SEMA6D: variants seen among roughly 807,000 people sequenced by gnomAD.
SEMA6D encodes the protein semaphorin 6D.
A neutral mutation model predicts 106.6 loss-of-function variants in SEMA6D; 35 were observed. That is an observed-to-expected ratio of 0.33 (90% CI 0.25 to 0.44). SEMA6D has a LOEUF of 0.44. SEMA6D is among the 20% of genes least tolerant of loss of function. The probability of loss-of-function intolerance (pLI) is 1.00; values close to 1 mark genes in which losing one functional copy is unlikely to be tolerated. For synonymous variants in SEMA6D, 499 were observed against 487.7 expected, an observed-to-expected ratio of 1.02 and a Z score of -0.31; for missense variants, 1,185 against 1,345.9, an observed-to-expected ratio of 0.88 and a Z score of 1.87.
At chr15:47,302,359 T>A (rs2036056375) in intron 1 of SEMA6D, among the ~76,000 whole-genome samples, 1 of 152,218 alleles carries the variant, frequency 6.6e-6, no homozygotes, top group Non-Finnish European at 1.5e-5. Flanking sequence ...CAAACTTTTC[T>A]TATACAATTT....
intron 2 of SEMA6D, among the ~76,000 whole-genome samples, chr15:47,413,875 G>A (rs2040877671): frequency 6.6e-6 from 1 of 152,138 alleles, no homozygotes; most frequent in Non-Finnish European, 1.5e-5. Context: ...ACTTTGAACA[G>A]CCTGATTTGC....
chr15:47,401,939 C>G (rs912765213), intron 1 of SEMA6D, among the ~76,000 whole-genome samples: 1 of 152,184 alleles, frequency 6.6e-6, no homozygotes, highest in African/African-American at 2.4e-5. Flanking sequence ...ATAGTTAACT[C>G]TTACTTTTGA....
rs558642989 is a variant in SEMA6D, at chr15:47,641,795, C to T, written c.-55+40899C>T. Among the ~76,000 whole-genome samples the T allele has an allele frequency of 8.5e-5, 13 of 152,268 alleles. No homozygotes were observed. In the South Asian group the frequency reaches 1.2e-3, roughly 15 times the overall value. On this transcript the variant is annotated intron_variant, in intron 4 of 19. Coordinates refer to the SEMA6D transcript ENST00000558014. ...ATCCACCACTCCCTCTGCCATAAAA[C>T]GTCATGCTCCCCACACTGCCCACTG...
chr15:47,353,297 C>T (rs982832753), intron 1 of SEMA6D, among the ~76,000 whole-genome samples: 3 of 152,242 alleles, frequency 2.0e-5, no homozygotes, highest in Non-Finnish European at 2.9e-5. Context: ...ACCACCCACT[C>T]GTGCCCTCCC....
chr15:47,345,613 A>G (rs1430991045), intron 1 of SEMA6D, among the ~76,000 whole-genome samples: 1 of 152,190 alleles, frequency 6.6e-6, no homozygotes, highest in Non-Finnish European at 1.5e-5. Flanking sequence ...CAAGAAGAAA[A>G]TGTAAGAGAA....
intron 3 of SEMA6D, among the ~76,000 whole-genome samples, chr15:47,512,142 G>A (rs370679061): frequency 7.0e-4 from 107 of 152,236 alleles, no homozygotes; most frequent in South Asian, 1.5e-3. Flanking sequence ...AGCTACAAGC[G>A]CAGTGCTTTA....
chr15:47,291,176 G>A (rs1364167538), intron 1 of SEMA6D, among the ~76,000 whole-genome samples: 1 of 152,212 alleles, frequency 6.6e-6, no homozygotes, highest in African/African-American at 2.4e-5. Flanking sequence ...GAAACTGTTG[G>A]AAGGGCTATG....
chr15:47,500,079 C>A (rs2141587839), intron 3 of SEMA6D, among the ~76,000 whole-genome samples: 1 of 152,246 alleles, frequency 6.6e-6, no homozygotes. Context: ...CTTGAGAAGT[C>A]ATTTTCATAG....
intron 4 of SEMA6D, among the ~76,000 whole-genome samples, chr15:47,615,630 G>C (rs1461429236): frequency 6.6e-6 from 1 of 152,046 alleles, no homozygotes; most frequent in East Asian, 1.9e-4. Flanking sequence ...AATACCCAAG[G>C]GTCACGAATT....
chr15:47,759,901 T>C lies in SEMA6D; in HGVS notation c.103T>C (p.Tyr35His). 1 of 1,603,126 alleles carries C rather than the reference T, an allele frequency of 6.2e-7. No homozygotes were observed. The highest frequency in any genetic ancestry group is 8.5e-7 in the Non-Finnish European group (1 of 1,170,096). ...EDDEPLNTVDYHYSRQYPVFR... is the reference protein window; with the variant it reads ...EDDEPLNTVDHHYSRQYPVFR... Reference sequence around the variant, plus strand: ...TGATGAACCCCTTAATACTGTCGACTATCACTGTAAGTCGTCTCAAGAACA... The same window carrying C: ...TGATGAACCCCTTAATACTGTCGACCATCACTGTAAGTCGTCTCAAGAACA... The change falls in exon 2 of 19, where the codon TAT becomes CAT. Residue 35 changes from tyrosine to histidine, a missense_variant. Physicochemically the swap from Tyr to His is moderately conservative, Grantham distance 83. This residue lies in a region of SEMA6D where 144 missense variants were observed against 138.6 expected (regional missense o/e 1.04). Transcript: ENST00000536845.
At chr15:47,208,887 A>G (rs1404318579) in intron 1 of SEMA6D, among the ~76,000 whole-genome samples, 6 of 152,016 alleles carry the variant, frequency 3.9e-5, no homozygotes, top group African/African-American at 1.5e-4. Flanking sequence ...AGAGTCCCTC[A>G]TACTGCCTGT....
At chr15:47,360,543 A>G (rs919694853) in intron 1 of SEMA6D, among the ~76,000 whole-genome samples, 2 of 152,220 alleles carry the variant, frequency 1.3e-5, no homozygotes, top group Admixed American at 6.5e-5. Flanking sequence ...ACATACCACT[A>G]TTGTAGAAGG....
At chr15:47,637,202 T>G (rs562118447) in intron 4 of SEMA6D, among the ~76,000 whole-genome samples, 78 of 152,328 alleles carry the variant, frequency 5.1e-4, no homozygotes, top group Admixed American at 2.8e-3. Context: ...TTATTGTTAC[T>G]GGAACACGCT....
At chr15:47,635,473 GT>G (rs993479198) in intron 4 of SEMA6D, among the ~76,000 whole-genome samples, 1 of 152,188 alleles carries the variant, frequency 6.6e-6, no homozygotes, top group South Asian at 2.1e-4. Flanking sequence ...AAGAAGAGAT[GT>G]TTTTCCCCAG....
chr15:47,510,589 A>G (rs932655971), intron 3 of SEMA6D, among the ~76,000 whole-genome samples: 1 of 152,240 alleles, frequency 6.6e-6, no homozygotes, highest in Non-Finnish European at 1.5e-5. Context: ...TTTTCAATTC[A>G]GTTGGAATGT....
chr15:47,252,641 T>A (rs748944274), intron 1 of SEMA6D, among the ~76,000 whole-genome samples: 2 of 152,216 alleles, frequency 1.3e-5, no homozygotes, highest in African/African-American at 2.4e-5. Context: ...TGTGAGATCA[T>A]ACAATTTTGG....
At chr15:47,601,960 G>A (rs764659654) in intron 4 of SEMA6D, among the ~76,000 whole-genome samples, 17 of 152,090 alleles carry the variant, frequency 1.1e-4, no homozygotes, top group Non-Finnish European at 1.8e-4. Flanking sequence ...AGATGCAGTC[G>A]CTGTTTGTAC....
intron 1 of SEMA6D, among the ~76,000 whole-genome samples, chr15:47,348,727 C>CACAGAGAGAGAGAGAGAGAGAG (rs1450109233): frequency 1.9e-4 from 11 of 57,120 alleles, no homozygotes; most frequent in African/African-American, 4.5e-4. Context: ...ACCACACACA[C>CACAGAGAGAGAGAGAGAGAGAG]AGAGAGAGAG....
intron 4 of SEMA6D, among the ~76,000 whole-genome samples, chr15:47,647,275 A>G (rs1288481692): frequency 2.0e-5 from 3 of 152,222 alleles, no homozygotes; most frequent in Non-Finnish European, 4.4e-5. Context: ...ATAGCGTGTC[A>G]ACAAGTACAA....
Sources: allele counts gnomAD v4.1 joint callset (sites outside exome capture counted in the v4.1 genomes callset), GRCh38; gene constraint gnomAD v4.1.1; regional missense constraint gnomAD v4.1.1; transcripts MANE v1.5; gene names NCBI Gene and HGNC (gene_info 2026-07-23, HGNC 2026-07-21).